The following ZNF451 variants were observed in gnomAD, a reference collection of about 807,000 sequenced individuals.
ZNF451 encodes the protein zinc finger protein 451.
A neutral mutation model predicts 107.1 loss-of-function variants in ZNF451; 80 were observed. The observed-to-expected ratio is 0.75, with a 90% CI of 0.62 to 0.90. ZNF451 has a LOEUF of 0.90. Among genes scored for constraint, ZNF451 ranks in the 40% least tolerant of loss-of-function variants. The pLI is 0.00. For missense variants in ZNF451, 1,107 were observed against 1,236.2 expected, an observed-to-expected ratio of 0.90 and a Z score of 1.57; for synonymous variants, 362 against 406.5, an observed-to-expected ratio of 0.89 and a Z score of 1.32.
At chr6:57,157,768 G>C (rs1763496901) in intron 13 of ZNF451, among the ~76,000 whole-genome samples, 3 of 152,100 alleles carry the variant, frequency 2.0e-5, no homozygotes, top group African/African-American at 7.2e-5. Flanking sequence ...GACTTTCTTA[G>C]ACCATTTATA....
rs1440101192 is a variant in ZNF451, at chr6:57,147,716, A to G, written c.1631A>G (p.Asp544Gly). The change falls in exon 10 of 15, where the codon GAT (aspartate) becomes GGT (glycine). Residue 544 changes from aspartate to glycine, a missense_variant. Coordinates refer to ENST00000370706, the MANE Select transcript of ZNF451 (RefSeq NM_001031623.3). ...TGCAAAAAGGAGTTAACAAGGAAAG[A>G]TACTATCATGGCACATGTGACTGAA... ...RTCKKELTRK[D>G]TIMAHVTEFH... The G allele has an allele frequency of 2.5e-6, 4 of 1,613,920 alleles. No individual in the cohort carries two copies. The highest frequency in any genetic ancestry group is 2.5e-6 in the Non-Finnish European group (3 of 1,179,992).
In ZNF451 at chr6:57,120,043, T is replaced by C. The variant is rs559304300; in HGVS notation, c.187-4691T>C. Among the ~76,000 whole-genome samples the C allele has an allele frequency of 3.9e-5, 6 of 152,310 alleles. 1 individual carries two copies. The highest frequency in any genetic ancestry group is 1.4e-4 in the African/African-American group (6 of 41,570). On this transcript the variant is annotated intron_variant, in intron 3 of 14. Transcript: ENST00000370706. ...TCATTGTAGTATTACTGAAAATAGT[T>C]TGACTGCCCTAAAAATCTTGTGTGC...
intron 3 of ZNF451, chr6:57,101,502 C>T (rs781008822): frequency 2.6e-5 from 41 of 1,550,884 alleles, no homozygotes; most frequent in African/African-American, 8.2e-5. Context: ...ACACAACATC[C>T]CCTCTAGATT....
rs537918006 is a variant in ZNF451 at position 57,141,181 on chromosome 6, A to G, written c.703-121A>G. ...TCACACTCAGGGAAGAACATCTTTC[A>G]TGTTAAAAATTGATACAGGATATTG... On this transcript the variant is annotated intron_variant, in intron 7 of 14. Transcript: ENST00000370706. 46 of 760,148 alleles carry G rather than the reference A, an allele frequency of 6.1e-5. No individual in the cohort carries two copies. The South Asian group carries it at 1.8e-3, about 30-fold the overall frequency. 47.1% of individuals were successfully genotyped at this position (760,148 alleles called of 1,614,324 possible).
chr6:57,106,372 C>T (rs966484735), intron 3 of ZNF451: 121 of 899,946 alleles, frequency 1.3e-4, no homozygotes, highest in South Asian at 3.1e-4. Context: ...TGCAATGGCA[C>T]GATCTTGGCT....
At chr6:57,105,494 C>T (rs1282258876) in intron 3 of ZNF451, 2 of 985,066 alleles carry the variant, frequency 2.0e-6, no homozygotes, top group Non-Finnish European at 2.4e-6. Flanking sequence ...TGTAGTTTAT[C>T]ATTTGTACAA....
At chr6:57,098,285 G>T (rs1829422736) in intron 2 of ZNF451, among the ~76,000 whole-genome samples, 1 of 151,596 alleles carries the variant, frequency 6.6e-6, no homozygotes, top group South Asian at 2.1e-4. Flanking sequence ...CCCCCACCTT[G>T]GCCTCCCAAA....
chr6:57,108,075 G>T, intron 3 of ZNF451: 1 of 796,460 alleles, frequency 1.3e-6, no homozygotes, highest in Non-Finnish European at 1.5e-6. Flanking sequence ...CCTGAACCTT[G>T]TGATCCACCT....
Position 57,095,876 on chromosome 6 carries a change from T to C in ZNF451, c.106-3185T>C, listed in dbSNP as rs1023020474. Among the ~76,000 whole-genome samples, 7 of 151,808 alleles carry C rather than the reference T, an allele frequency of 4.6e-5. No individual in the cohort carries two copies. In the South Asian group the frequency reaches 1.5e-3, roughly 32 times the overall value. ...TCCCTCTCTGTTGCCCAGGCTGGAG[T>C]GCACTGGCGTGATCTCAGCTCTCTG... is the stretch of plus-strand genomic sequence containing the variant. On this transcript the variant is annotated intron_variant, in intron 2 of 14. Coordinates refer to ENST00000370706, the MANE Select transcript of ZNF451 (RefSeq NM_001031623.3).
At position 57,106,759 on chromosome 6, in the gene ZNF451, A is replaced by G. The variant is rs377530932; in HGVS notation, c.186+7618A>G. 7.1e-6 allele frequency: 7 copies of G among 985,184 alleles called. No individual in the cohort carries two copies. In the African/African-American group the frequency reaches 1.2e-4, roughly 17 times the overall value. The allele number at this position is 985,184 out of a possible 1,614,324, so 61.0% of individuals were successfully genotyped here. A position where few individuals can be genotyped will look rare whatever the true frequency, so the allele number is the denominator to read the frequency against. On this transcript the variant is annotated intron_variant, in intron 3 of 14. Transcript: ENST00000370706. ...TGTCTCATCTGTATGCATCTTATGC[A>G]TGTGATTCAATAGACTAGATCGATT...
At chr6:57,138,733 A>ATGTGTG (rs1424146625) in intron 7 of ZNF451, among the ~76,000 whole-genome samples, 17 of 111,030 alleles carry the variant, frequency 1.5e-4, no homozygotes, top group African/African-American at 3.3e-4. Context: ...ATATATATAT[A>ATGTGTG]TATATATATG....
At chr6:57,142,579 A>G (rs977242014) in intron 9 of ZNF451, among the ~76,000 whole-genome samples, 4 of 152,198 alleles carry the variant, frequency 2.6e-5, no homozygotes, top group East Asian at 3.8e-4. Context: ...ATATAGCACA[A>G]TTTGTTGATC....
At chr6:57,107,276 T>C (rs1829906375) in intron 3 of ZNF451, 10 of 985,366 alleles carry the variant, frequency 1.0e-5, no homozygotes, top group Non-Finnish European at 1.2e-5. Flanking sequence ...TTGATGTAGA[T>C]GATATTTTTA....
rs1334175834 is a variant in ZNF451 at position 57,148,313 on chromosome 6, A to C, written c.2228A>C (p.Gln743Pro). ...AAAGAAGATTATAGCAGATGTCTCC[A>C]AATCATGCTGGATAAAGGAAAACTG... ...NRKEDYSRCL[Q>P]IMLDKGKLWF... is the part of the protein sequence containing the mutation. The change falls in exon 10 of 15, where the codon CAA becomes CCA. Residue 743 changes from glutamine (Q) to proline (P), a missense_variant. Transcript: ENST00000370706. The C allele has an allele frequency of 1.2e-6, 2 of 1,614,114 alleles. No homozygotes were observed. The highest frequency in any genetic ancestry group is 4.5e-5 in the East Asian group (2 of 44,880).
Position 57,124,787 on chromosome 6 carries a change from A to C in ZNF451, c.240A>C (p.Leu80Phe). The C allele has an allele frequency of 6.2e-7, 1 of 1,609,258 alleles. No individual in the cohort carries two copies. Among genetic ancestry groups the C allele is most frequent in the Non-Finnish European group, 8.5e-7 (1 of 1,175,934 alleles). Reference sequence around the variant, plus strand: ...ATTATCAGAAGGATAAAGTTGCTTTAACTCTGGCTCGTCTAGCCCGCCATG... The same window carrying C: ...ATTATCAGAAGGATAAAGTTGCTTTCACTCTGGCTCGTCTAGCCCGCCATG... The part of the protein sequence containing the change: ...HIDYQKDKVA[L>F]TLARLARHVE... Residue 80 changes from leucine (L) to phenylalanine (F), a missense_variant, in exon 4 of 15, where the codon TTA (leucine) becomes TTC (phenylalanine). Leu to Phe is a conservative substitution (Grantham distance 22, BLOSUM62 0). Around this residue, in one of 5 missense-constraint regions of ZNF451, gnomAD observed 339 missense variants for 372.8 expected, o/e 0.91. Transcript: ENST00000370706.
At chr6:57,107,612 T>G (rs1829924856) in intron 3 of ZNF451, 1 of 985,322 alleles carries the variant, frequency 1.0e-6, no homozygotes, top group Non-Finnish European at 1.2e-6. Context: ...CTGATATATC[T>G]TAAAGTTAAC....
At position 57,152,240 on chromosome 6, in the gene ZNF451, G is replaced by T; in HGVS notation, c.2772G>T (p.Lys924Asn). The T allele has an allele frequency of 3.7e-6, 6 of 1,611,148 alleles. No individual in the cohort carries two copies. Among genetic ancestry groups the T allele is most frequent in the Non-Finnish European group, 5.1e-6 (6 of 1,178,764 alleles). Reference protein sequence around the residue: ...WGFQGGNTNWKPPLNCKIYNY... With the variant: ...WGFQGGNTNWNPPLNCKIYNY... ...TAATAGGAGGAAACACCAATTGGAA[G>T]CCTCCGCTCAACTGTAAGATTTATA... Residue 924 changes from lysine (K) to asparagine (N), a missense_variant, in exon 12 of 15, where the codon AAG becomes AAT. Transcript: ENST00000370706.
intron 7 of ZNF451, among the ~76,000 whole-genome samples, chr6:57,140,722 C>T (rs1259473550): frequency 6.6e-6 from 1 of 151,988 alleles, no homozygotes; most frequent in Non-Finnish European, 1.5e-5. Flanking sequence ...TAGATTGACA[C>T]CATGGCGTAG....
chr6:57,140,835 T>C (rs1831719303), intron 7 of ZNF451, among the ~76,000 whole-genome samples: 1 of 152,198 alleles, frequency 6.6e-6, no homozygotes, highest in Non-Finnish European at 1.5e-5. Flanking sequence ...GAAGAGCCTA[T>C]AAAATAATAT....
Sources: gnomAD v4.1 joint callset for allele counts (sites outside exome capture counted in the v4.1 genomes callset) on GRCh38, gnomAD v4.1.1 for gene constraint, gnomAD v4.1.1 regional missense constraint, MANE v1.5 for transcripts, NCBI Gene and HGNC (gene_info 2026-07-23, HGNC 2026-07-21) for gene names.